The following ZEB2 variants were observed in gnomAD, a reference collection of about 807,000 sequenced individuals.
The protein encoded by ZEB2 is zinc finger E-box-binding homeobox 2.
ZEB2 carries 6 observed loss-of-function variants against 99.9 expected under a neutral mutation model. The ratio of observed to expected loss-of-function variants is 0.06; its 90% CI spans 0.03 to 0.12. The LOEUF is 0.12. Among genes scored for constraint, ZEB2 ranks in the 10% least tolerant of loss-of-function variants. The probability of loss-of-function intolerance (pLI) is 1.00; values close to 1 mark genes in which losing one functional copy is unlikely to be tolerated. For synonymous variants in ZEB2, 517 were observed against 542.5 expected (o/e 0.95, Z 0.65); for missense variants, 969 against 1,502.8 (o/e 0.64, Z 5.87).
chr2:144,484,208 T>C (rs965807946), intron 2 of ZEB2, among the ~76,000 whole-genome samples: 4 of 152,006 alleles, frequency 2.6e-5, no homozygotes, highest in African/African-American at 9.7e-5. Flanking sequence ...TGTGTGTGTG[T>C]GTGTGAAATA....
intron 2 of ZEB2, chr2:144,450,440 T>A (rs956918239): frequency 2.0e-5 from 3 of 152,216 alleles, no homozygotes; most frequent in Non-Finnish European, 2.9e-5. Context: ...AAATAAATTA[T>A]CTGACTATTT....
chr2:144,476,815 G>T (rs907475591), intron 2 of ZEB2, among the ~76,000 whole-genome samples: 1 of 152,072 alleles, frequency 6.6e-6, no homozygotes, highest in African/African-American at 2.4e-5. Flanking sequence ...CTAATGAATG[G>T]GCAGGCATGG....
chr2:144,427,765 A>G (rs1703708562), intron 3 of ZEB2: 1 of 152,220 alleles, frequency 6.6e-6, no homozygotes, highest in Non-Finnish European at 1.5e-5. Context: ...CCAAATAGCC[A>G]AATGAGATTA....
At chr2:144,392,257 G>A (rs1176221062) in intron 9 of ZEB2, among the ~76,000 whole-genome samples, 1 of 152,250 alleles carries the variant, frequency 6.6e-6, no homozygotes, top group East Asian at 1.9e-4. Context: ...CAACTACTTA[G>A]GTAACTTCTG....
At chr2:144,444,311 G>A (rs1252451001) in intron 2 of ZEB2, among the ~76,000 whole-genome samples, 1 of 152,178 alleles carries the variant, frequency 6.6e-6, no homozygotes, top group Non-Finnish European at 1.5e-5. Flanking sequence ...AACTTCGAGT[G>A]GCAAACAGGT....
intron 2 of ZEB2, chr2:144,445,166 C>A (rs1703966265): frequency 6.6e-6 from 1 of 152,024 alleles, no homozygotes; most frequent in Non-Finnish European, 1.5e-5. Flanking sequence ...ATGGAGAAGA[C>A]CCCTTATTTA....
rs527711795 is a variant in ZEB2 at position 144,517,410 on chromosome 2, C to T, written c.-60G>A. On this transcript the variant is annotated 5_prime_UTR_variant, in exon 2 of 10. Coordinates refer to ENST00000627532, the MANE Select transcript of ZEB2 (RefSeq NM_014795.4). The stretch of plus-strand genomic sequence containing the variant: ...CTCGGCGCCCTGCTTCGGCAGCACG[C>T]AGGCTCGATCTAGCAACCAAACACA... The T allele has an allele frequency of 6.3e-7, 1 of 1,592,402 alleles. No individual in the cohort carries two copies. The highest frequency in any genetic ancestry group is 1.1e-5 in the South Asian group (1 of 90,676).
chr2:144,472,336 T>G (rs571384241), intron 2 of ZEB2, among the ~76,000 whole-genome samples: 11 of 152,262 alleles, frequency 7.2e-5, no homozygotes, highest in Middle Eastern at 3.4e-3. Flanking sequence ...TTGCCCTGAT[T>G]TCTAAGACAT....
In ZEB2 at chr2:144,510,043, G is replaced by GA. The variant is rs201083810; in HGVS notation, c.73+7234dup. ...AATGTTAAACATACTAAAAAAATCT[G>GA]AAAAAAAAGTATGGAGAAGGTGTGA... On this transcript the variant is annotated intron_variant, in intron 2 of 9. Coordinates refer to ENST00000627532, the MANE Select transcript of ZEB2 (RefSeq NM_014795.4). Among the ~76,000 whole-genome samples the GA allele has an allele frequency of 5.0e-3, 765 of 151,592 alleles. 6 individuals carry two copies. Among genetic ancestry groups the GA allele is most frequent in the African/African-American group, 0.017 (709 of 41,324 alleles).
At chr2:144,519,901 G>T (rs1328016899) in intron 1 of ZEB2, 38 bp downstream of exon 1, 1 of 430,562 alleles carries the variant, frequency 2.3e-6, no homozygotes. Context: ...CACCAAAAAG[G>T]GATAAAAAGA....
intron 2 of ZEB2, among the ~76,000 whole-genome samples, chr2:144,486,867 A>C (rs1483477298): frequency 1.3e-5 from 2 of 152,222 alleles, no homozygotes; most frequent in Non-Finnish European, 2.9e-5. Flanking sequence ...CATTACAAAA[A>C]TAAAGTCAAT....
At chr2:144,422,164 C>CA (rs1318306650) in intron 4 of ZEB2, among the ~76,000 whole-genome samples, 2 of 152,210 alleles carry the variant, frequency 1.3e-5, no homozygotes, top group Non-Finnish European at 2.9e-5. Context: ...GTTGGTCTCT[C>CA]AGAGTCTGGT....
chr2:144,488,865 T>C (rs1284457163), intron 2 of ZEB2, among the ~76,000 whole-genome samples: 2 of 152,190 alleles, frequency 1.3e-5, no homozygotes, highest in Non-Finnish European at 2.9e-5. Context: ...TTTTAACATA[T>C]AGTTTATTTG....
chr2:144,509,770 G>C (rs1198948927), intron 2 of ZEB2, among the ~76,000 whole-genome samples: 2 of 152,188 alleles, frequency 1.3e-5, no homozygotes, highest in African/African-American at 2.4e-5. Context: ...AAGTTGTCAC[G>C]AGAGGTTTCT....
In ZEB2 at chr2:144,517,448, G is replaced by C. The variant is rs552624084; in HGVS notation, c.-69-29C>G. Reference sequence around the variant, plus strand: ...GCAACCAAACACAGCGACAATGTGGGCATCGCCCGCGCCCATTGAAACGCG... The same window carrying C: ...GCAACCAAACACAGCGACAATGTGGCCATCGCCCGCGCCCATTGAAACGCG... On this transcript the variant is annotated intron_variant, in intron 1 of 9. Transcript: ENST00000627532. The C allele has an allele frequency of 9.1e-5, 134 of 1,471,106 alleles. 1 individual carries two copies. The Admixed American group carries it at 2.1e-3, about 23-fold the overall frequency. The allele number at this position is 1,471,106 out of a possible 1,614,324, so 91.1% of individuals were successfully genotyped here. A position where few individuals can be genotyped will look rare whatever the true frequency, so the allele number is the denominator to read the frequency against.
intron 2 of ZEB2, among the ~76,000 whole-genome samples, chr2:144,480,611 A>C (rs918245773): frequency 4.6e-5 from 7 of 152,130 alleles, no homozygotes; most frequent in Admixed American, 1.3e-4. Flanking sequence ...CTATTACGCT[A>C]TAAGTGGCAG....
intron 2 of ZEB2, among the ~76,000 whole-genome samples, chr2:144,510,233 G>C (rs1237137908): frequency 6.6e-6 from 1 of 151,856 alleles, no homozygotes; most frequent in South Asian, 2.1e-4. Flanking sequence ...AAAAAGTCAG[G>C]GGGAAAAATG....
intron 4 of ZEB2, among the ~76,000 whole-genome samples, chr2:144,419,373 T>TC (rs1703588280): frequency 6.6e-6 from 1 of 152,220 alleles, no homozygotes; most frequent in Non-Finnish European, 1.5e-5. Context: ...GTAAGGTACC[T>TC]CTTCCCCCTC....
Position 144,415,241 on chromosome 2 carries a change from A to G in ZEB2, c.403+9555T>C, listed in dbSNP as rs1400269973. Among the ~76,000 whole-genome samples the G allele has an allele frequency of 3.3e-5, 5 of 152,268 alleles. No homozygotes were observed. The East Asian group carries it at 9.6e-4, about 29-fold the overall frequency. ...AATCAAGTTTCTAAAGGCGCTCAAT[A>G]AAGAATAACTTTCCATAGCACCTTG... On this transcript the variant is annotated intron_variant, in intron 4 of 9. Transcript: ENST00000627532.
Sources: allele counts gnomAD v4.1 joint callset (sites outside exome capture counted in the v4.1 genomes callset), GRCh38; gene constraint gnomAD v4.1.1; transcripts MANE v1.5; gene names NCBI Gene and HGNC (gene_info 2026-07-23, HGNC 2026-07-21).